Variants in CACNG8 observed in about 807,000 individuals in gnomAD.
CACNG8 encodes the protein calcium voltage-gated channel auxiliary subunit gamma 8, also known as voltage-dependent calcium channel gamma-8 subunit.
CACNG8 carries 5 observed loss-of-function variants against 26.9 expected under a neutral mutation model. The observed-to-expected ratio is 0.19, with a 90% CI of 0.10 to 0.39. The LOEUF (loss-of-function observed/expected upper bound fraction) is 0.39. CACNG8 is among the 10% of genes least tolerant of loss of function. CACNG8 has a pLI of 1.00. For missense variants in CACNG8, 473 were observed against 609.4 expected, an observed-to-expected ratio of 0.78 and a Z score of 2.36; for synonymous variants, 321 against 296.7, an observed-to-expected ratio of 1.08 and a Z score of -0.84.
Position 53,986,231 on chromosome 19 carries a change from C to G in CACNG8, c.*3382C>G, listed in dbSNP as rs897831320. On this transcript the variant is annotated 3_prime_UTR_variant, in exon 4 of 4. Transcript: ENST00000270458. ...ATTCGCACAAAAAGCAACGTGGAGACTCAGAAGCAAGCGCAGCGTCAAGGA... is the reference window on the plus strand; with the variant it reads ...ATTCGCACAAAAAGCAACGTGGAGAGTCAGAAGCAAGCGCAGCGTCAAGGA... The G allele has an allele frequency of 6.6e-6, 1 of 152,496 alleles. No homozygotes were observed. Among genetic ancestry groups the G allele is most frequent in the Admixed American group, 6.6e-5 (1 of 15,264 alleles). 9.4% of individuals were successfully genotyped at this position (152,496 alleles called of 1,614,324 possible).
At chr19:53,979,819 C>T (rs773229394) in intron 2 of CACNG8, 48 bp from the exon 3 acceptor site, 2 of 1,526,450 alleles carry the variant, frequency 1.3e-6, no homozygotes, top group South Asian at 2.5e-5. Flanking sequence ...GCGGCCGCGT[C>T]TGACCGCCCT....
At position 53,982,166 on chromosome 19, in the gene CACNG8, C is replaced by G; in HGVS notation, c.595C>G (p.His199Asp). ...GAAGCGGGACGAGGAGAAGAAAAAC[C>G]ACTACTCGTACGGCTGGTCCTTCTA... The change falls in exon 4 of 4, where the codon CAC becomes GAC. Residue 199 changes from histidine to aspartate, a missense_variant. By Grantham distance (81) the His-to-Asp change is moderately conservative. Coordinates refer to ENST00000270458, the MANE Select transcript of CACNG8 (RefSeq NM_031895.6). The surrounding 1 kb of genome is among the most constrained non-coding windows in gnomAD (Gnocchi z 8.4). 3 of 1,613,340 alleles carry G rather than the reference C, an allele frequency of 1.9e-6. No individual in the cohort carries two copies. Among genetic ancestry groups the G allele is most frequent in the Non-Finnish European group, 2.5e-6 (3 of 1,179,654 alleles).
At chr19:53,975,750 G>C (rs1487395616) in intron 1 of CACNG8, among the ~76,000 whole-genome samples, 1 of 152,204 alleles carries the variant, frequency 6.6e-6, no homozygotes, top group East Asian at 1.9e-4. Context: ...CTAGATGCTG[G>C]TAATACAGTG....
intron 3 of CACNG8, among the ~76,000 whole-genome samples, chr19:53,980,831 T>C (rs1013384576): frequency 8.5e-5 from 13 of 152,120 alleles, no homozygotes; most frequent in African/African-American, 2.9e-4. Flanking sequence ...ATGAGTAGCA[T>C]TGGGAAATTC....
In CACNG8 at chr19:53,986,336, G is replaced by A. The variant is rs556612407; in HGVS notation, c.*3487G>A. On this transcript the variant is annotated 3_prime_UTR_variant, in exon 4 of 4. Coordinates refer to ENST00000270458, the MANE Select transcript of CACNG8 (RefSeq NM_031895.6). The stretch of plus-strand genomic sequence containing the variant: ...GCCAACCTGTTCTAGACCCAATCTC[G>A]GCCAGGGGATGTGGTGGCAAATAGA... 6.6e-6 allele frequency: 1 copy of A among 152,386 alleles called. No individual in the cohort carries two copies. Among genetic ancestry groups the A allele is most frequent in the South Asian group, 2.1e-4 (1 of 4,820 alleles). The allele number at this position is 152,386 out of a possible 1,614,324, so 9.4% of individuals were successfully genotyped here.
At chr19:53,980,130 AGCCACCTTGCCCC>A in intron 3 of CACNG8, 123 bp downstream of exon 3, 1 of 1,134,534 alleles carries the variant, frequency 8.8e-7, no homozygotes, top group Non-Finnish European at 1.2e-6. Flanking sequence ...GTGTCTGCAA[AGCCACCTTGCCCC>A]GAGCACCCCC....
At chr19:53,981,968 C>G in intron 3 of CACNG8, 112 bp from the exon 4 acceptor site, 1 of 1,215,814 alleles carries the variant, frequency 8.2e-7, no homozygotes, top group Non-Finnish European at 1.1e-6. Context: ...GGGCCTAGAC[C>G]GCCTGGGGGT....
chr19:53,977,074 A>G (rs1449044963), intron 1 of CACNG8, among the ~76,000 whole-genome samples: 1 of 152,100 alleles, frequency 6.6e-6, no homozygotes, highest in Non-Finnish European at 1.5e-5. Context: ...CCCTCCAGGA[A>G]CTCTCAGCTT....
chr19:53,980,569 C>T (rs2145941157), intron 3 of CACNG8, among the ~76,000 whole-genome samples: 1 of 152,140 alleles, frequency 6.6e-6, no homozygotes. Context: ...CTGAATCGGC[C>T]CTTGCCCGTG....
rs969967921 is a variant in CACNG8 at position 53,985,913 on chromosome 19, C to T, written c.*3064C>T. 7 of 146,410 alleles carry T rather than the reference C, an allele frequency of 4.8e-5. No individual in the cohort carries two copies. The highest frequency in any genetic ancestry group is 1.8e-4 in the African/African-American group (7 of 39,046). The allele number at this position is 146,410 out of a possible 1,614,324, so 9.1% of individuals were successfully genotyped here. On this transcript the variant is annotated 3_prime_UTR_variant, in exon 4 of 4. Transcript: ENST00000270458. ...GGAACTGGTTAGGGGAGAATGGATT[C>T]TAGAGTCTGAAGGCCAAACAGAACG... is the stretch of plus-strand genomic sequence containing the variant.
intron 1 of CACNG8, among the ~76,000 whole-genome samples, chr19:53,975,840 T>G (rs1233922442): frequency 6.6e-6 from 1 of 152,248 alleles, no homozygotes; most frequent in Non-Finnish European, 1.5e-5. Context: ...ATGACCCTTT[T>G]CTGTTTCTCA....
At chr19:53,975,240 G>A (rs563977481) in intron 1 of CACNG8, among the ~76,000 whole-genome samples, 4 of 152,088 alleles carry the variant, frequency 2.6e-5, no homozygotes, top group African/African-American at 9.6e-5. Flanking sequence ...GAGCTCCTGC[G>A]CCTGGCCTAT....
At chr19:53,963,569 C>A (rs2069255403) in intron 1 of CACNG8, 144 bp downstream of exon 1, 2 of 803,124 alleles carry the variant, frequency 2.5e-6, no homozygotes, top group Admixed American at 3.3e-5. Flanking sequence ...CCTTCCCACT[C>A]GCGCCCCTGA....
chr19:53,977,298 G>T, intron 1 of CACNG8, among the ~76,000 whole-genome samples: 1 of 152,198 alleles, frequency 6.6e-6, no homozygotes, highest in Non-Finnish European at 1.5e-5. Flanking sequence ...TCCACAGCAT[G>T]GGCAGAGGTC....
intron 2 of CACNG8, 23 bp downstream of exon 2, chr19:53,978,252 CGT>C (rs2069341870): frequency 1.3e-6 from 2 of 1,593,286 alleles, no homozygotes; most frequent in African/African-American, 1.3e-5. Context: ...CCGGGACAGA[CGT>C]GGGGAGTGGG....
chr19:53,964,145 C>G (rs117067130), intron 1 of CACNG8, among the ~76,000 whole-genome samples: 2,076 of 152,078 alleles, frequency 0.014, 28 homozygotes, highest in Non-Finnish European at 0.021. Context: ...CCCTGCTCCT[C>G]CGCTCCACCT....
At chr19:53,966,308 G>A (rs183222148) in intron 1 of CACNG8, among the ~76,000 whole-genome samples, 371 of 152,028 alleles carry the variant, frequency 2.4e-3, no homozygotes, top group Middle Eastern at 6.8e-3. Flanking sequence ...GGCTGGTCTC[G>A]AACTTCTGAC....
chr19:53,970,059 G>C (rs1399454438), intron 1 of CACNG8, among the ~76,000 whole-genome samples: 1 of 152,232 alleles, frequency 6.6e-6, no homozygotes, highest in African/African-American at 2.4e-5. Context: ...GCTCATGCCT[G>C]TAATCCCAGC....
At chr19:53,981,445 C>G (rs929807602) in intron 3 of CACNG8, among the ~76,000 whole-genome samples, 1 of 151,804 alleles carries the variant, frequency 6.6e-6, no homozygotes, top group Non-Finnish European at 1.5e-5. Flanking sequence ...GGGTTTAGAC[C>G]AGCAGAGTTG....
Sources: allele counts gnomAD v4.1 joint callset (sites outside exome capture counted in the v4.1 genomes callset), GRCh38; gene constraint gnomAD v4.1.1; non-coding constraint Gnocchi (gnomAD v3.1); transcripts MANE v1.5; gene names NCBI Gene and HGNC (gene_info 2026-07-23, HGNC 2026-07-21).